The following PKHD1L1 variants were observed in gnomAD, a reference collection of about 807,000 sequenced individuals.
PKHD1L1 encodes PKHD1 like 1.
PKHD1L1 carries 434 observed loss-of-function variants against 462.9 expected under a neutral mutation model. That is an observed-to-expected ratio of 0.94 (90% confidence interval 0.87 to 1.02). The LOEUF is 1.02. Among genes scored for constraint, PKHD1L1 ranks in the 50% least tolerant of loss-of-function variants. The pLI is 0.00. For synonymous variants in PKHD1L1, 1,781 were observed against 1,750.0 expected, an observed-to-expected ratio of 1.02 and a Z score of -0.44; for missense variants, 5,202 against 5,096.1, an observed-to-expected ratio of 1.02 and a Z score of -0.63.
chr8:109,378,922 G>C (rs181288607), intron 2 of PKHD1L1, among the ~76,000 whole-genome samples: 1 of 152,072 alleles, frequency 6.6e-6, no homozygotes, highest in Non-Finnish European at 1.5e-5. Context: ...CTTAACTTCC[G>C]CAAGAGAACA....
At chr8:109,393,357 A>G (rs1480189497) in intron 9 of PKHD1L1, among the ~76,000 whole-genome samples, 1 of 152,166 alleles carries the variant, frequency 6.6e-6, no homozygotes, top group African/African-American at 2.4e-5. Flanking sequence ...TTAATATTTG[A>G]ATTTCTTAAC....
At chr8:109,396,832 T>C (rs1229390069) in intron 11 of PKHD1L1, among the ~76,000 whole-genome samples, 2 of 152,234 alleles carry the variant, frequency 1.3e-5, no homozygotes, top group Non-Finnish European at 2.9e-5. Flanking sequence ...CAACAAGGCA[T>C]ATGCATTTCC....
At chr8:109,479,926 T>A in intron 54 of PKHD1L1, 65 bp from the exon 55 acceptor site, 2 of 1,419,464 alleles carry the variant, frequency 1.4e-6, no homozygotes, top group Non-Finnish European at 1.9e-6. Flanking sequence ...GATAAGCTTG[T>A]CAATGTTTTG....
At chr8:109,436,508 A>T in intron 30 of PKHD1L1, 49 bp downstream of exon 30, 5 of 1,600,508 alleles carry the variant, frequency 3.1e-6, no homozygotes, top group Non-Finnish European at 4.3e-6. Flanking sequence ...CTGAAATCTT[A>T]TAAATTAGGA....
chr8:109,425,708 T>A (rs1231217794), intron 24 of PKHD1L1, among the ~76,000 whole-genome samples: 14 of 152,058 alleles, frequency 9.2e-5, no homozygotes. Context: ...AACAATAATA[T>A]TAAAATAGAA....
chr8:109,500,241 G>C (rs1819332483), intron 67 of PKHD1L1, among the ~76,000 whole-genome samples: 4 of 152,038 alleles, frequency 2.6e-5, no homozygotes, highest in Admixed American at 1.3e-4. Context: ...TGGTCACCCT[G>C]CCATAGCTGG....
intron 30 of PKHD1L1, among the ~76,000 whole-genome samples, chr8:109,437,248 T>G (rs1815473793): frequency 6.6e-6 from 1 of 152,186 alleles, no homozygotes; most frequent in South Asian, 2.1e-4. Flanking sequence ...AAGTTTTAGT[T>G]TAAATGTGTT....
At chr8:109,512,313 G>T (rs200530671) in intron 71 of PKHD1L1, among the ~76,000 whole-genome samples, 1 of 151,184 alleles carries the variant, frequency 6.6e-6, no homozygotes, top group African/African-American at 2.4e-5. Flanking sequence ...TTCTTCTAGG[G>T]TTTTTATGGT....
intron 18 of PKHD1L1, among the ~76,000 whole-genome samples, chr8:109,409,475 A>G (rs931261260): frequency 6.6e-6 from 1 of 152,000 alleles, no homozygotes; most frequent in Non-Finnish European, 1.5e-5. Context: ...ATTGGCGTGT[A>G]TAGTTTTTTT....
intron 63 of PKHD1L1, among the ~76,000 whole-genome samples, chr8:109,494,669 AAT>A (rs1192868076): frequency 6.6e-6 from 1 of 151,964 alleles, no homozygotes; most frequent in African/African-American, 2.4e-5. Context: ...ATACCTATAA[AAT>A]ATGTTTTGTG....
chr8:109,472,439 T>G (rs1188153604), intron 50 of PKHD1L1, among the ~76,000 whole-genome samples: 1 of 152,146 alleles, frequency 6.6e-6, no homozygotes, highest in Non-Finnish European at 1.5e-5. Context: ...AATCTGGTAT[T>G]TCTGAATTTA....
At chr8:109,470,731 T>A in intron 50 of PKHD1L1, 1 of 1,565,156 alleles carries the variant, frequency 6.4e-7, no homozygotes. Context: ...GTACCAATCT[T>A]CTTGGGACAG....
chr8:109,450,350 G>A (rs1816415827), intron 40 of PKHD1L1, among the ~76,000 whole-genome samples: 1 of 152,136 alleles, frequency 6.6e-6, no homozygotes, highest in South Asian at 2.1e-4. Context: ...AGCAAAATTT[G>A]TGAAGCTTTT....
chr8:109,379,062 CCAA>C (rs1430814398), intron 2 of PKHD1L1, among the ~76,000 whole-genome samples: 8 of 152,092 alleles, frequency 5.3e-5, no homozygotes, highest in Middle Eastern at 3.2e-3. Flanking sequence ...CATGCATGAG[CCAA>C]CAACATGGAC....
chr8:109,517,676 C>T (rs1391652032), intron 72 of PKHD1L1, among the ~76,000 whole-genome samples: 1 of 151,652 alleles, frequency 6.6e-6, no homozygotes, highest in East Asian at 1.9e-4. Flanking sequence ...TTAATGTATA[C>T]TTCATTTTTA....
chr8:109,522,327 G>T lies in PKHD1L1; in HGVS notation c.12173G>T (p.Gly4058Val). 6.4e-7 allele frequency: 1 copy of T among 1,561,670 alleles called. No individual in the cohort carries two copies. Among genetic ancestry groups the T allele is most frequent in the South Asian group, 1.2e-5 (1 of 82,290 alleles). ...TNPLPSPSDS[G>V]WIKVTAQPVE... is the part of the protein sequence containing the mutation. ...CCCCTCCCCAGCCCAAGTGACTCTG[G>T]GTGGATTAAGGTAAGAAAATGCAAC... The change falls in exon 74 of 78, where the codon GGG (glycine) becomes GTG (valine). Residue 4058 changes from glycine to valine, a missense_variant. Gly to Val is a moderately radical substitution (Grantham distance 109). Transcript: ENST00000378402.
intron 41 of PKHD1L1, among the ~76,000 whole-genome samples, chr8:109,451,650 C>T (rs758156124): frequency 3.9e-5 from 6 of 152,084 alleles, no homozygotes; most frequent in South Asian, 2.1e-4. Context: ...TATTCAGGTG[C>T]GGAAGGCTGA....
chr8:109,476,584 G>A lies in PKHD1L1; in HGVS notation c.8834G>A (p.Gly2945Asp), dbSNP rs772175418. The change falls in exon 52 of 78, where the codon GGT becomes GAT. Residue 2945 changes from glycine to aspartate, a missense_variant. Gly to Asp is a moderately conservative substitution (Grantham distance 94). Transcript: ENST00000378402. ...TTTAATATTATTGATATGAGGAATG[G>A]TTCCTCAAATCCATTGAATTGGAAT... ...DMFNIIDMRN[G>D]SSNPLNWNTS... 7.6e-6 allele frequency: 12 copies of A among 1,571,818 alleles called. No homozygotes were observed. The highest frequency in any genetic ancestry group is 2.7e-5 in the African/African-American group (2 of 74,136).
chr8:109,532,505 T>C lies in PKHD1L1; in HGVS notation c.*2415T>C, dbSNP rs1821063921. Among the ~76,000 whole-genome samples, 2 of 152,328 alleles carry C rather than the reference T, an allele frequency of 1.3e-5. No homozygotes were observed. The highest frequency in any genetic ancestry group is 1.3e-4 in the Admixed American group (2 of 15,306). ...CTGAACATTCTGTCTCAGAAATTGA[T>C]GTTTAAATTCTTAAAAATAATTTGT... is the stretch of plus-strand genomic sequence containing the variant. On this transcript the variant is annotated 3_prime_UTR_variant, in exon 78 of 78. Coordinates refer to ENST00000378402, the MANE Select transcript of PKHD1L1 (RefSeq NM_177531.6).
Sources: gnomAD v4.1 joint callset for allele counts (sites outside exome capture counted in the v4.1 genomes callset) on GRCh38, gnomAD v4.1.1 for gene constraint, MANE v1.5 for transcripts, NCBI Gene and HGNC (gene_info 2026-07-23, HGNC 2026-07-21) for gene names.